DFFB: variants seen among roughly 807,000 people sequenced by gnomAD.
DFFB encodes the protein DNA fragmentation factor 40 kDa subunit.
DFFB carries 29 observed loss-of-function variants against 32.7 expected under a neutral mutation model. That is an observed-to-expected ratio of 0.89 (90% CI 0.66 to 1.21). The LOEUF (loss-of-function observed/expected upper bound fraction) is 1.21, where lower values mean the gene tolerates loss of function less well. Among genes scored for constraint, DFFB ranks in the 50% most tolerant of loss-of-function variants. DFFB has a pLI of 0.00. For synonymous variants in DFFB, 170 were observed against 177.1 expected, an observed-to-expected ratio of 0.96 and a Z score of 0.32; for missense variants, 398 against 440.6, an observed-to-expected ratio of 0.90 and a Z score of 0.87.
Position 3,883,750 on chromosome 1 carries a change from C to T in DFFB, c.*9C>T. 3.1e-6 allele frequency: 5 copies of T among 1,609,948 alleles called. No homozygotes were observed. The highest frequency in any genetic ancestry group is 4.3e-6 in the Non-Finnish European group (5 of 1,176,292). On this transcript the variant is annotated 3_prime_UTR_variant, in exon 7 of 7. Transcript: ENST00000378209. Reference sequence around the variant, plus strand: ...TGCGGAAACGCCAGTGACACGTACACACCACGTCCTGGTCTTTGTTTGAGG... The same window carrying T: ...TGCGGAAACGCCAGTGACACGTACATACCACGTCCTGGTCTTTGTTTGAGG...
At chr1:3,857,847 C>T (rs1443728458) in intron 1 of DFFB, 130 bp downstream of exon 1, 7 of 619,946 alleles carry the variant, frequency 1.1e-5, no homozygotes, top group Admixed American at 3.9e-5. Flanking sequence ...TTCGCCTCAG[C>T]CGCTAGGACC....
At chr1:3,873,881 T>C (rs944834611) in intron 6 of DFFB, among the ~76,000 whole-genome samples, 1 of 152,234 alleles carries the variant, frequency 6.6e-6, no homozygotes, top group African/African-American at 2.4e-5. Flanking sequence ...TCCCCAGCAT[T>C]TCAGATGGGG....
intron 6 of DFFB, chr1:3,873,008 T>C (rs1385503791): frequency 2.4e-6 from 3 of 1,274,148 alleles, no homozygotes; most frequent in East Asian, 1.1e-4. Context: ...TTTCTTTTTC[T>C]TTTAGAGATG....
At chr1:3,872,449 C>T (rs1645137569) in intron 5 of DFFB, 23 bp from the exon 6 acceptor site, 3 of 1,585,682 alleles carry the variant, frequency 1.9e-6, no homozygotes, top group Non-Finnish European at 1.7e-6. Context: ...TCTGGCCTTC[C>T]CTCATTGTCT....
At chr1:3,877,305 A>G (rs1226025620) in intron 6 of DFFB, among the ~76,000 whole-genome samples, 1 of 146,188 alleles carries the variant, frequency 6.8e-6, no homozygotes, top group Non-Finnish European at 1.5e-5. Context: ...CCTAGGCTGC[A>G]TGAGTTGTGT....
chr1:3,871,752 A>G (rs1191593030), intron 5 of DFFB, among the ~76,000 whole-genome samples: 2 of 152,224 alleles, frequency 1.3e-5, no homozygotes, highest in Non-Finnish European at 2.9e-5. Context: ...AAGAGGTGCA[A>G]TTGGCTTACG....
chr1:3,872,758 G>A (rs559547843), intron 6 of DFFB, among the ~76,000 whole-genome samples, 186 bp downstream of exon 6: 3 of 152,308 alleles, frequency 2.0e-5, no homozygotes, highest in African/African-American at 4.8e-5. Flanking sequence ...GCAGCATAGG[G>A]GGCTGCTGAG....
rs184948271 is a variant in DFFB, at chr1:3,863,545, C to T, written c.242-2267C>T. Among the ~76,000 whole-genome samples, 256 of 152,254 alleles carry T rather than the reference C, an allele frequency of 1.7e-3. 1 individual carries two copies. Among genetic ancestry groups the T allele is most frequent in the African/African-American group, 5.9e-3 (246 of 41,556 alleles). On this transcript the variant is annotated intron_variant, in intron 2 of 6. Coordinates refer to ENST00000378209, the MANE Select transcript of DFFB (RefSeq NM_004402.4). ...AAGAGAAATGAAAACACGTCCACAC[C>T]AAAACTCGTCCGTGAGCGTTTACAG... is the stretch of plus-strand genomic sequence containing the variant.
intron 2 of DFFB, among the ~76,000 whole-genome samples, chr1:3,863,449 G>A (rs1486322807): frequency 6.6e-6 from 1 of 152,170 alleles, no homozygotes; most frequent in African/African-American, 2.4e-5. Flanking sequence ...GTGGAAAATA[G>A]TCTGGCAGTT....
chr1:3,876,918 C>A lies in DFFB; in HGVS notation c.782+4346C>A, dbSNP rs12077722. Among the ~76,000 whole-genome samples, 1,391 of 152,328 alleles carry A rather than the reference C, an allele frequency of 9.1e-3. 27 individuals carry two copies. The highest frequency in any genetic ancestry group is 0.032 in the African/African-American group (1,345 of 41,582). On this transcript the variant is annotated intron_variant, in intron 6 of 6. Coordinates refer to ENST00000378209, the MANE Select transcript of DFFB (RefSeq NM_004402.4). Reference sequence around the variant, plus strand: ...GCCCAGAGCCCATGCGGTTCAGGGGCCCCTGGGCGGAAGGTGGCACGAGGA... The same window carrying A: ...GCCCAGAGCCCATGCGGTTCAGGGGACCCTGGGCGGAAGGTGGCACGAGGA...
chr1:3,879,024 C>T (rs981783903), intron 6 of DFFB, among the ~76,000 whole-genome samples: 6 of 152,222 alleles, frequency 3.9e-5, no homozygotes, highest in African/African-American at 1.4e-4. Flanking sequence ...TACCTACCTT[C>T]AGTACTTTGA....
At chr1:3,870,730 G>A (rs74586717) in intron 5 of DFFB, among the ~76,000 whole-genome samples, 16,940 of 152,170 alleles carry the variant, frequency 0.11, 3,037 homozygotes, top group African/African-American at 0.38. Flanking sequence ...AGTCAGAAGC[G>A]GCCCCAGGGA....
intron 6 of DFFB, among the ~76,000 whole-genome samples, chr1:3,875,278 A>C (rs1645200601): frequency 6.6e-6 from 1 of 152,242 alleles, no homozygotes; most frequent in Non-Finnish European, 1.5e-5. Context: ...GTTACTTTCA[A>C]GCATTAGCAA....
chr1:3,876,570 C>A (rs1645226143), intron 6 of DFFB, among the ~76,000 whole-genome samples: 1 of 152,156 alleles, frequency 6.6e-6, no homozygotes, highest in African/African-American at 2.4e-5. Context: ...GGGTTGACAC[C>A]ACGTGCCACA....
At chr1:3,867,374 G>C (rs1381064314) in intron 3 of DFFB, among the ~76,000 whole-genome samples, 1 of 152,152 alleles carries the variant, frequency 6.6e-6, no homozygotes, top group African/African-American at 2.4e-5. Flanking sequence ...ACTGACACTT[G>C]GGTTGCTTCC....
chr1:3,874,880 C>T (rs1214186947), intron 6 of DFFB, among the ~76,000 whole-genome samples: 2 of 151,972 alleles, frequency 1.3e-5, no homozygotes, highest in South Asian at 2.1e-4. Context: ...TACGTGGCCT[C>T]CCATGCTGTG....
intron 6 of DFFB, among the ~76,000 whole-genome samples, chr1:3,878,374 G>A (rs1017700271): frequency 6.6e-6 from 1 of 152,076 alleles, no homozygotes; most frequent in Non-Finnish European, 1.5e-5. Context: ...CTGGTCTCAA[G>A]CTCCTGACCT....
At chr1:3,876,599 T>G (rs1227538748) in intron 6 of DFFB, among the ~76,000 whole-genome samples, 1 of 152,184 alleles carries the variant, frequency 6.6e-6, no homozygotes, top group Non-Finnish European at 1.5e-5. Context: ...TATTTAAGAA[T>G]TAAAAGCTAA....
chr1:3,867,386 C>T (rs1241094385), intron 3 of DFFB, among the ~76,000 whole-genome samples: 14 of 152,256 alleles, frequency 9.2e-5, no homozygotes, highest in Non-Finnish European at 2.9e-5. Context: ...GTTGCTTCCA[C>T]CTTTTGGCCT....
Sources: allele counts gnomAD v4.1 joint callset (sites outside exome capture counted in the v4.1 genomes callset), GRCh38; gene constraint gnomAD v4.1.1; transcripts MANE v1.5; gene names NCBI Gene and HGNC (gene_info 2026-07-23, HGNC 2026-07-21).